MCF2L: variants seen among roughly 807,000 people sequenced by gnomAD.
MCF2L encodes the protein guanine nucleotide exchange factor DBS.
MCF2L carries 97 observed loss-of-function variants against 153.4 expected under a neutral mutation model. The ratio of observed to expected loss-of-function variants is 0.63; its 90% CI spans 0.54 to 0.75. MCF2L has a LOEUF of 0.75. MCF2L is among the 30% of genes least tolerant of loss of function. The pLI is 0.00. For missense variants in MCF2L, 1,347 were observed against 1,495.2 expected, an observed-to-expected ratio of 0.90 and a Z score of 1.64; for synonymous variants, 659 against 632.2, an observed-to-expected ratio of 1.04 and a Z score of -0.64.
At chr13:112,986,577 C>G (rs895309447) in intron 1 of MCF2L, among the ~76,000 whole-genome samples, 1 of 152,250 alleles carries the variant, frequency 6.6e-6, no homozygotes, top group African/African-American at 2.4e-5. Context: ...CGGGGTGTCT[C>G]TGAGGACAGG....
At chr13:113,040,461 C>T (rs1212838206) in intron 3 of MCF2L, 6 of 94,706 alleles carry the variant, frequency 6.3e-5, no homozygotes, top group African/African-American at 3.2e-4. Context: ...GACACAGCCA[C>T]CCTGCTGTGC....
rs2035496918 is a variant in MCF2L at position 113,094,649 on chromosome 13, C to T, written c.3075+14C>T. On this transcript the variant is annotated intron_variant, in intron 27 of 29. Coordinates refer to ENST00000535094, the MANE Select transcript of MCF2L (RefSeq NM_001112732.3). ...CCCAAGAAGCTGGTAACCACGGCTT[C>T]CCTGTGGGCACTTGGGGTGGGGGCT... 6.2e-7 allele frequency: 1 copy of T among 1,604,826 alleles called. No individual in the cohort carries two copies. Among genetic ancestry groups the T allele is most frequent in the South Asian group, 1.1e-5 (1 of 89,902 alleles).
In MCF2L at chr13:113,053,249, T is replaced by C. The variant is rs2087488801; in HGVS notation, c.370-7344T>C. On this transcript the variant is annotated intron_variant, in intron 4 of 29. Coordinates refer to ENST00000535094, the MANE Select transcript of MCF2L (RefSeq NM_001112732.3). The surrounding 1 kb of genome is among the most constrained non-coding windows in gnomAD (Gnocchi z 4.4). Reference sequence around the variant, plus strand: ...TGTATTTGTTAAAATCCAGGTCCAGTGAAGGACGGCGCCCCCGTCAGCTGT... The same window carrying C: ...TGTATTTGTTAAAATCCAGGTCCAGCGAAGGACGGCGCCCCCGTCAGCTGT... 6.6e-6 allele frequency among the ~76,000 whole-genome samples: 1 copy of C among 152,142 alleles called. No individual in the cohort carries two copies. Among genetic ancestry groups the C allele is most frequent in the African/African-American group, 2.4e-5 (1 of 41,418 alleles).
intron 4 of MCF2L, among the ~76,000 whole-genome samples, chr13:113,058,062 CTGAG>C (rs2030545422): frequency 6.9e-6 from 1 of 145,118 alleles, no homozygotes; most frequent in South Asian, 2.2e-4. Flanking sequence ...TGTTTGGGTG[CTGAG>C]TGTTTCGGTG....
At chr13:113,089,910 C>T (rs759700195) in intron 26 of MCF2L, 182 bp downstream of exon 26, 2 of 1,604,722 alleles carry the variant, frequency 1.2e-6, no homozygotes, top group African/African-American at 2.7e-5. Context: ...CCTCCCTCTC[C>T]ATTGCTCTGC....
intron 8 of MCF2L, 57 bp downstream of exon 8, chr13:113,066,227 T>C (rs1435143474): frequency 2.6e-6 from 4 of 1,514,680 alleles, no homozygotes; most frequent in Non-Finnish European, 2.7e-6. Flanking sequence ...CAGGATCCTC[T>C]CAGGCACACA....
intron 3 of MCF2L, among the ~76,000 whole-genome samples, chr13:113,032,995 C>T (rs1198063032): frequency 0.01 from 1,515 of 147,168 alleles, 22 homozygotes; most frequent in African/African-American, 0.038. Context: ...GAGTGGCCCC[C>T]GTGATGTGAG....
intron 1 of MCF2L, among the ~76,000 whole-genome samples, chr13:113,014,035 C>T (rs571700933): frequency 6.6e-6 from 1 of 152,074 alleles, no homozygotes; most frequent in South Asian, 2.1e-4. Context: ...ATGCTCCTAG[C>T]TGGTGCTGAC....
At chr13:113,001,745 C>T in intron 1 of MCF2L, 1 of 1,363,642 alleles carries the variant, frequency 7.3e-7, no homozygotes. Flanking sequence ...CTGGGAGGAG[C>T]AGCCGGCTGG....
In MCF2L at chr13:113,073,993, A is replaced by T. The variant is rs535400259; in HGVS notation, c.997-451A>T. Among the ~76,000 whole-genome samples, 18 of 152,350 alleles carry T rather than the reference A, an allele frequency of 1.2e-4. No homozygotes were observed. The East Asian group carries it at 3.3e-3, about 28-fold the overall frequency. On this transcript the variant is annotated intron_variant, in intron 9 of 29. Coordinates refer to ENST00000535094, the MANE Select transcript of MCF2L (RefSeq NM_001112732.3). ...TCTTCCTGCCAACAGCAGAAATCGT[A>T]GACATTAGAAGTTAGTAGCAAGCTA...
At chr13:113,011,686 C>T (rs1249195457) in intron 1 of MCF2L, among the ~76,000 whole-genome samples, 1 of 110,062 alleles carries the variant, frequency 9.1e-6, no homozygotes, top group Admixed American at 9.3e-5. Context: ...GGTGGACAGG[C>T]GGTGTGGACG....
intron 1 of MCF2L, among the ~76,000 whole-genome samples, chr13:112,971,803 T>G (rs2082046713): frequency 6.6e-6 from 1 of 152,202 alleles, no homozygotes; most frequent in Non-Finnish European, 1.5e-5. Flanking sequence ...CTGGCCCCCC[T>G]TCTATGTGAT....
In MCF2L at chr13:112,951,473, A is replaced by G. The variant is rs1429371778; in HGVS notation, c.169+49102A>G. ...ACCCCAATGTCTTTTGGTGGGTGAA[A>G]CGTTAAATTGTACGTCCGCACCATG... is the stretch of plus-strand genomic sequence containing the variant. On this transcript the variant is annotated intron_variant, in intron 2 of 29. Transcript: ENST00000375608. The surrounding 1 kb of genome is among the most constrained non-coding windows in gnomAD (Gnocchi z 4.8). Among the ~76,000 whole-genome samples the G allele has an allele frequency of 6.6e-6, 1 of 152,214 alleles. No individual in the cohort carries two copies. Among genetic ancestry groups the G allele is most frequent in the East Asian group, 1.9e-4 (1 of 5,206 alleles).
intron 4 of MCF2L, among the ~76,000 whole-genome samples, chr13:113,058,991 A>T (rs940297561): frequency 2.8e-5 from 2 of 72,356 alleles, no homozygotes; most frequent in Admixed American, 1.4e-4. Flanking sequence ...TGAGTGTTTC[A>T]GTGCCATTTG....
At chr13:113,088,428 G>A (rs1384386511) in intron 24 of MCF2L, 23 bp downstream of exon 24, 14 of 1,613,058 alleles carry the variant, frequency 8.7e-6, no homozygotes, top group African/African-American at 4.0e-5. Context: ...TCAAGCGATC[G>A]TTTCCCGTAG....
rs2081473091 is a variant in MCF2L, at chr13:112,932,386, C to G, written c.169+30015C>G. 6.6e-6 allele frequency among the ~76,000 whole-genome samples: 1 copy of G among 152,138 alleles called. No homozygotes were observed. The highest frequency in any genetic ancestry group is 1.5e-5 in the Non-Finnish European group (1 of 68,032). On this transcript the variant is annotated intron_variant, in intron 2 of 29. Transcript: ENST00000375608. The surrounding 1 kb of genome is among the most constrained non-coding windows in gnomAD (Gnocchi z 4.6). ...CAAAGTCATCAAAAATAAGGGAGCT[C>G]TGAGAAGCTGTCACAGCCAAGAGGA...
exon 2 of MCF2L, chr13:112,902,258 C>T: frequency 6.2e-7 from 1 of 1,612,856 alleles, no homozygotes; most frequent in Non-Finnish European, 8.5e-7. Context: ...AACAGTTATT[C>T]TTCCCCACAA....
intron 1 of MCF2L, among the ~76,000 whole-genome samples, chr13:113,003,275 G>C (rs1040953555): frequency 6.6e-6 from 1 of 151,252 alleles, no homozygotes. Flanking sequence ...TGGCTTTGGG[G>C]CACCATGGAA....
At chr13:113,032,975 C>T (rs1034950373) in intron 3 of MCF2L, among the ~76,000 whole-genome samples, 1 of 151,064 alleles carries the variant, frequency 6.6e-6, no homozygotes, top group Non-Finnish European at 1.5e-5. Context: ...GTGAGTGGAC[C>T]CTGTGATGTG....
Sources: allele counts gnomAD v4.1 joint callset (sites outside exome capture counted in the v4.1 genomes callset), GRCh38; gene constraint gnomAD v4.1.1; non-coding constraint Gnocchi (gnomAD v3.1); transcripts MANE v1.5; gene names NCBI Gene and HGNC (gene_info 2026-07-23, HGNC 2026-07-21).